Variants in MMD2 observed in about 807,000 individuals in gnomAD.
MMD2 encodes monocyte to macrophage differentiation associated 2, also known as monocyte to macrophage differentiation factor 2.
MMD2 carries 30 observed loss-of-function variants against 33.5 expected under a neutral mutation model. The observed-to-expected ratio is 0.90, with a 90% CI of 0.67 to 1.22. The LOEUF is 1.22. Among genes scored for constraint, MMD2 ranks in the 50% most tolerant of loss-of-function variants. The pLI is 0.00. For synonymous variants in MMD2, 129 were observed against 123.0 expected, an observed-to-expected ratio of 1.05 and a Z score of -0.32; for missense variants, 364 against 325.4, an observed-to-expected ratio of 1.12 and a Z score of -0.91.
At chr7:4,928,397 C>T (rs186559055) in intron 1 of MMD2, among the ~76,000 whole-genome samples, 27 of 151,996 alleles carry the variant, frequency 1.8e-4, no homozygotes, top group Admixed American at 1.3e-4. Context: ...ATTCGCTGAG[C>T]ACCTTCTGTG....
intron 5 of MMD2, among the ~76,000 whole-genome samples, chr7:4,910,289 G>C (rs1784973747): frequency 6.6e-6 from 1 of 152,142 alleles, no homozygotes; most frequent in Non-Finnish European, 1.5e-5. Context: ...TTCGATCCTA[G>C]CATCTCTTCC....
intron 1 of MMD2, among the ~76,000 whole-genome samples, chr7:4,941,920 G>A (rs1785922564): frequency 6.6e-6 from 1 of 151,422 alleles, no homozygotes. Context: ...TACATTTGTG[G>A]TGCAACTTTC....
chr7:4,937,994 C>CTTTTTTTTTTTTTTTTTTTT (rs1583388998), intron 1 of MMD2, among the ~76,000 whole-genome samples: 1 of 71,386 alleles, frequency 1.4e-5, no homozygotes, highest in Non-Finnish European at 2.8e-5. Context: ...TTCTTTTTTT[C>CTTTTTTTTTTTTTTTTTTTT]TTTCTTTCTT....
chr7:4,955,967 C>G (rs546928641), intron 1 of MMD2, among the ~76,000 whole-genome samples: 1 of 152,150 alleles, frequency 6.6e-6, no homozygotes, highest in Non-Finnish European at 1.5e-5. Flanking sequence ...GCAGGAGAAT[C>G]GCTTAAACCT....
At chr7:4,919,935 C>G (rs1785231877) in intron 3 of MMD2, among the ~76,000 whole-genome samples, 1 of 152,164 alleles carries the variant, frequency 6.6e-6, no homozygotes, top group African/African-American at 2.4e-5. Flanking sequence ...GTGAGCAAAC[C>G]AGGCTCCCGT....
chr7:4,916,116 C>T (rs747974851), intron 3 of MMD2, 37 bp from the exon 4 acceptor site: 3 of 1,603,204 alleles, frequency 1.9e-6, no homozygotes, highest in East Asian at 4.5e-5. Flanking sequence ...ACAGCCCCTG[C>T]ACAGCAGGGA....
chr7:4,913,920 C>T (rs1020938226), intron 4 of MMD2, among the ~76,000 whole-genome samples: 1 of 151,952 alleles, frequency 6.6e-6, no homozygotes, highest in African/African-American at 2.4e-5. Context: ...CACAGCCTCC[C>T]AAAGTGCTGG....
chr7:4,907,667 G>C, intron 6 of MMD2, 68 bp from the exon 7 acceptor site: 1 of 1,534,184 alleles, frequency 6.5e-7, no homozygotes, highest in Non-Finnish European at 9.0e-7. Context: ...GCACCAGCCA[G>C]TCCCCACCAC....
chr7:4,908,639 C>T (rs1384351304), intron 6 of MMD2, among the ~76,000 whole-genome samples: 4 of 151,786 alleles, frequency 2.6e-5, no homozygotes, highest in African/African-American at 9.7e-5. Flanking sequence ...GTGGCTCACG[C>T]CTATAATCCC....
chr7:4,952,739 T>G (rs984191286), intron 1 of MMD2, among the ~76,000 whole-genome samples: 6 of 148,266 alleles, frequency 4.0e-5, no homozygotes, highest in African/African-American at 1.5e-4. Context: ...TCGCCCAGGC[T>G]GGAGTGCAGT....
intron 2 of MMD2, among the ~76,000 whole-genome samples, chr7:4,922,054 C>A (rs1002757754): frequency 1.2e-4 from 18 of 151,280 alleles, no homozygotes; most frequent in African/African-American, 3.6e-4. Flanking sequence ...GGTAAAACCC[C>A]CTCTCTACTA....
At chr7:4,908,702 G>C (rs185151214) in intron 6 of MMD2, among the ~76,000 whole-genome samples, 1 of 151,648 alleles carries the variant, frequency 6.6e-6, no homozygotes, top group African/African-American at 2.4e-5. Flanking sequence ...TTCGAGACCA[G>C]CCTGGCCAAC....
chr7:4,930,213 G>T (rs918502155), intron 1 of MMD2, among the ~76,000 whole-genome samples: 1 of 143,768 alleles, frequency 7.0e-6, no homozygotes, highest in Admixed American at 7.3e-5. Flanking sequence ...AGGTTGCAGT[G>T]AGCCAAGATC....
chr7:4,903,921 G>A (rs545232510), downstream of MMD2, among the ~76,000 whole-genome samples: 17 of 151,970 alleles, frequency 1.1e-4, no homozygotes, highest in Admixed American at 3.9e-4. Flanking sequence ...CTGAATTTCC[G>A]GTGCATGCCC....
chr7:4,948,506 A>G (rs749111993), intron 1 of MMD2, among the ~76,000 whole-genome samples: 22 of 151,980 alleles, frequency 1.4e-4, no homozygotes, highest in Non-Finnish European at 2.9e-4. Context: ...CTGAATGACA[A>G]GAGCGAGACT....
intron 1 of MMD2, among the ~76,000 whole-genome samples, chr7:4,934,086 C>T (rs1583384535): frequency 6.6e-6 from 1 of 152,090 alleles, no homozygotes; most frequent in Non-Finnish European, 1.5e-5. Flanking sequence ...TCCGCCACCA[C>T]ACCCAGCTAA....
chr7:4,910,660 G>A (rs572504633), intron 5 of MMD2, among the ~76,000 whole-genome samples: 18 of 151,712 alleles, frequency 1.2e-4, no homozygotes, highest in African/African-American at 3.4e-4. Flanking sequence ...ACAGAGTCTT[G>A]CTCTGTCGCC....
intron 1 of MMD2, among the ~76,000 whole-genome samples, chr7:4,926,747 T>G (rs868580199): frequency 6.6e-6 from 1 of 151,886 alleles, no homozygotes; most frequent in Non-Finnish European, 1.5e-5. Context: ...TCTTTTTTTC[T>G]TTTTTCTTTT....
intron 1 of MMD2, among the ~76,000 whole-genome samples, chr7:4,950,253 C>T (rs1170485119): frequency 6.6e-6 from 1 of 152,102 alleles, no homozygotes; most frequent in Admixed American, 6.6e-5. Flanking sequence ...CATGCACCAC[C>T]AGGCCTGGCT....
Sources: allele counts gnomAD v4.1 joint callset (sites outside exome capture counted in the v4.1 genomes callset), GRCh38; gene constraint gnomAD v4.1.1; transcripts MANE v1.5; gene names NCBI Gene and HGNC (gene_info 2026-07-23, HGNC 2026-07-21).